RPN2: variants seen among roughly 807,000 people sequenced by gnomAD.
RPN2 encodes dolichyl-diphosphooligosaccharide--protein glycosyltransferase subunit 2.
A neutral mutation model predicts 71.4 loss-of-function variants in RPN2; 29 were observed. The observed-to-expected ratio is 0.41, with a 90% CI of 0.30 to 0.55. The LOEUF (loss-of-function observed/expected upper bound fraction) is 0.55. Among genes scored for constraint, RPN2 ranks in the 20% least tolerant of loss-of-function variants. RPN2 has a pLI of 0.35. For missense variants in RPN2, 726 were observed against 774.1 expected (o/e 0.94, Z 0.74); for synonymous variants, 308 against 305.0 (o/e 1.01, Z -0.10).
In RPN2 at chr20:37,213,722, A is replaced by G. The variant is rs766369342; in HGVS notation, c.987-38A>G. 10 of 1,474,358 alleles carry G rather than the reference A, an allele frequency of 6.8e-6. No individual in the cohort carries two copies. The Admixed American group carries it at 1.3e-4, about 20-fold the overall frequency. The allele number at this position is 1,474,358 out of a possible 1,614,324, so 91.3% of individuals were successfully genotyped here. On this transcript the variant is annotated intron_variant, in intron 8 of 16. Coordinates refer to ENST00000237530, the MANE Select transcript of RPN2 (RefSeq NM_002951.5). ...TGTTTGTTATATCCATGACTTTCCT[A>G]CCTGAGTTCTTGCTAAGCCCATTGT...
intron 9 of RPN2, among the ~76,000 whole-genome samples, chr20:37,217,376 T>G (rs2067837582): frequency 6.6e-6 from 1 of 151,748 alleles, no homozygotes; most frequent in Admixed American, 6.6e-5. Context: ...CACTGGAACC[T>G]CCGCCTCCTG....
intron 8 of RPN2, 88 bp downstream of exon 8, chr20:37,210,253 A>G: frequency 6.3e-7 from 1 of 1,599,434 alleles, no homozygotes; most frequent in Middle Eastern, 1.7e-4. Context: ...AATACATTCC[A>G]GTTAGGTAAA....
chr20:37,190,679 C>T (rs1364742949), intron 2 of RPN2, among the ~76,000 whole-genome samples: 1 of 152,064 alleles, frequency 6.6e-6, no homozygotes, highest in East Asian at 1.9e-4. Flanking sequence ...ACATCTGACA[C>T]ACGGGTGTCT....
chr20:37,223,741 A>G (rs1267950386), intron 9 of RPN2, 137 bp from the exon 10 acceptor site: 5 of 720,918 alleles, frequency 6.9e-6, no homozygotes, highest in Non-Finnish European at 1.2e-5. Context: ...CAGTGTTATT[A>G]TCATCCTTGA....
intron 2 of RPN2, among the ~76,000 whole-genome samples, chr20:37,185,059 A>G (rs1313916388): frequency 6.6e-6 from 1 of 152,172 alleles, no homozygotes; most frequent in Non-Finnish European, 1.5e-5. Flanking sequence ...GGTAGTCACT[A>G]CATCAGGCAA....
At chr20:37,204,461 A>G (rs1298101154) in intron 5 of RPN2, among the ~76,000 whole-genome samples, 1 of 152,218 alleles carries the variant, frequency 6.6e-6, no homozygotes, top group Non-Finnish European at 1.5e-5. Context: ...AGCCTGGCCC[A>G]CTGGCTTTCC....
chr20:37,179,424 A>G (rs2066780203), intron 1 of RPN2, 55 bp downstream of exon 1: 3 of 81,554 alleles, frequency 3.7e-5, no homozygotes, highest in East Asian at 6.9e-4. Flanking sequence ...GGAGGTTACT[A>G]GTCGCCGCTC....
rs2068545226 is a variant in RPN2, at chr20:37,241,351, G to A, written c.*36G>A. ...AAGATGGAAATTCTGAAAACTGAAT[G>A]TCAAGAAAAGGAGTCAAGAACAATT... On this transcript the variant is annotated 3_prime_UTR_variant, in exon 17 of 17. Transcript: ENST00000237530. The A allele has an allele frequency of 4.4e-6, 7 of 1,609,086 alleles. No homozygotes were observed. In the East Asian group the frequency reaches 6.7e-5, roughly 15 times the overall value.
intron 15 of RPN2, 37 bp from the exon 16 acceptor site, chr20:37,236,543 T>A: frequency 6.2e-7 from 1 of 1,612,664 alleles, no homozygotes; most frequent in Non-Finnish European, 8.5e-7. Context: ...ATCATTATGT[T>A]TCATTTAATT....
At chr20:37,200,354 ATT>A (rs11482444) in intron 4 of RPN2, 259,298 of 378,622 alleles carry the variant, frequency 0.68, 84,978 homozygotes, top group Middle Eastern at 0.8. Flanking sequence ...GCCGGTTGTA[ATT>A]TTTTTTTTTT....
At chr20:37,188,441 C>T (rs1446618152) in intron 2 of RPN2, among the ~76,000 whole-genome samples, 1 of 152,146 alleles carries the variant, frequency 6.6e-6, no homozygotes, top group Admixed American at 6.5e-5. Flanking sequence ...GTGTGAGCCA[C>T]CGCGCCCGGC....
intron 2 of RPN2, among the ~76,000 whole-genome samples, chr20:37,186,649 A>G (rs2067016724): frequency 6.6e-6 from 1 of 152,118 alleles, no homozygotes; most frequent in African/African-American, 2.4e-5. Context: ...TTCTCAGTCT[A>G]TGTTCAGTTA....
intron 2 of RPN2, among the ~76,000 whole-genome samples, chr20:37,196,062 CT>C (rs879480772): frequency 1.2e-3 from 170 of 145,612 alleles, no homozygotes; most frequent in Non-Finnish European, 1.0e-3. Flanking sequence ...GCACCCCGCG[CT>C]TTTTTTTTTT....
chr20:37,204,741 A>G (rs1348313130), intron 5 of RPN2, 26 bp from the exon 6 acceptor site: 3 of 1,613,950 alleles, frequency 1.9e-6, no homozygotes, highest in Non-Finnish European at 2.5e-6. Context: ...CTTGACATCC[A>G]GCATATTTCT....
intron 9 of RPN2, among the ~76,000 whole-genome samples, chr20:37,214,691 G>A (rs756368264): frequency 1.1e-4 from 16 of 152,078 alleles, no homozygotes; most frequent in Admixed American, 1.3e-4. Flanking sequence ...TGCATTTTCC[G>A]CAGTTCTATC....
chr20:37,233,990 CTTT>C, intron 14 of RPN2, 27 bp from the exon 15 acceptor site: 2 of 1,612,692 alleles, frequency 1.2e-6, no homozygotes, highest in Non-Finnish European at 1.7e-6. Flanking sequence ...GTTCTAATGC[CTTT>C]TTAATTTATT....
chr20:37,207,012 G>A (rs2067525804), intron 6 of RPN2, among the ~76,000 whole-genome samples: 2 of 151,734 alleles, frequency 1.3e-5, no homozygotes, highest in African/African-American at 4.8e-5. Context: ...CACCTGGCCT[G>A]TATAATAAGC....
chr20:37,213,567 G>A (rs1305621597), intron 8 of RPN2, among the ~76,000 whole-genome samples, 193 bp from the exon 9 acceptor site: 2 of 152,096 alleles, frequency 1.3e-5, no homozygotes, highest in Non-Finnish European at 2.9e-5. Context: ...TCCAGCCTGG[G>A]TGACAGTGAG....
At chr20:37,205,085 G>T (rs1410817909) in intron 6 of RPN2, among the ~76,000 whole-genome samples, 184 bp downstream of exon 6, 4 of 152,152 alleles carry the variant, frequency 2.6e-5, no homozygotes, top group Non-Finnish European at 5.9e-5. Context: ...GAAATGGGTT[G>T]CTAGTGAGGT....
Sources: gnomAD v4.1 joint callset for allele counts (sites outside exome capture counted in the v4.1 genomes callset) on GRCh38, gnomAD v4.1.1 for gene constraint, MANE v1.5 for transcripts, NCBI Gene and HGNC (gene_info 2026-07-23, HGNC 2026-07-21) for gene names.